Variants in CDC73 observed in about 807,000 individuals in gnomAD.
CDC73 encodes the protein cell division cycle 73.
CDC73 carries 21 observed loss-of-function variants against 83.7 expected under a neutral mutation model. The observed-to-expected ratio is 0.25, with a 90% confidence interval of 0.18 to 0.36. CDC73 has a LOEUF of 0.36. Among genes scored for constraint, CDC73 ranks in the 10% least tolerant of loss-of-function variants. CDC73 has a pLI of 1.00. For synonymous variants in CDC73, 224 were observed against 212.9 expected (o/e 1.05, Z -0.45); for missense variants, 342 against 653.3 (o/e 0.52, Z 5.19).
At chr1:193,169,997 A>G (rs1676493413) in intron 10 of CDC73, among the ~76,000 whole-genome samples, 1 of 151,790 alleles carries the variant, frequency 6.6e-6, no homozygotes, top group Non-Finnish European at 1.5e-5. Flanking sequence ...CCCTCTATGT[A>G]TCTGTGTATT....
intron 8 of CDC73, among the ~76,000 whole-genome samples, chr1:193,149,584 A>G (rs915721569): frequency 3.3e-5 from 5 of 152,198 alleles, no homozygotes; most frequent in Admixed American, 6.5e-5. Context: ...GCATTTGACT[A>G]TAGAAGTATA....
At chr1:193,228,123 A>T (rs777948365) in intron 13 of CDC73, among the ~76,000 whole-genome samples, 10 of 152,216 alleles carry the variant, frequency 6.6e-5, no homozygotes, top group Non-Finnish European at 1.0e-4. Flanking sequence ...TACTTTACTA[A>T]TTCCAATATA....
intron 13 of CDC73, among the ~76,000 whole-genome samples, chr1:193,212,840 C>T (rs1012972930): frequency 1.3e-5 from 2 of 151,832 alleles, no homozygotes; most frequent in South Asian, 4.2e-4. Context: ...AGTAAGTGGG[C>T]GGGTAGGTGG....
intron 6 of CDC73, among the ~76,000 whole-genome samples, chr1:193,139,446 T>C (rs1675863280): frequency 6.6e-6 from 1 of 152,218 alleles, no homozygotes; most frequent in Admixed American, 6.5e-5. Flanking sequence ...TTTGCATGTT[T>C]TGCTCTTTTT....
chr1:193,220,686 T>G (rs1017055414), intron 13 of CDC73, among the ~76,000 whole-genome samples: 4 of 152,210 alleles, frequency 2.6e-5, no homozygotes, highest in Admixed American at 6.5e-5. Flanking sequence ...TACTTTTGAA[T>G]GACAAAATAT....
chr1:193,131,795 ATGT>A (rs1230350532), intron 3 of CDC73, among the ~76,000 whole-genome samples: 1 of 152,174 alleles, frequency 6.6e-6, no homozygotes, highest in Non-Finnish European at 1.5e-5. Flanking sequence ...GTTTTTCCAA[ATGT>A]TGTTCCATCA....
At chr1:193,149,146 G>T (rs1676061289) in intron 8 of CDC73, among the ~76,000 whole-genome samples, 1 of 152,132 alleles carries the variant, frequency 6.6e-6, no homozygotes, top group Non-Finnish European at 1.5e-5. Context: ...ATGATCTTGA[G>T]ATACAATAGT....
chr1:193,178,008 A>G (rs1343966411), intron 10 of CDC73, among the ~76,000 whole-genome samples: 2 of 152,210 alleles, frequency 1.3e-5, no homozygotes, highest in Non-Finnish European at 1.5e-5. Flanking sequence ...CAAAGCTGTC[A>G]TTTAAAATTA....
chr1:193,171,595 C>T lies in CDC73; in HGVS notation c.972+19151C>T, dbSNP rs369586455. On this transcript the variant is annotated intron_variant, in intron 10 of 16. Coordinates refer to ENST00000367435, the MANE Select transcript of CDC73 (RefSeq NM_024529.5). The stretch of plus-strand genomic sequence containing the variant: ...GAAAGTCAGCATTGGTGGATACAGT[C>T]CCTCTCATGCTTTGACTCTCCCTTG... Among the ~76,000 whole-genome samples, 28 of 152,260 alleles carry T rather than the reference C, an allele frequency of 1.8e-4. No homozygotes were observed. The South Asian group carries it at 5.6e-3, about 30-fold the overall frequency.
intron 10 of CDC73, among the ~76,000 whole-genome samples, chr1:193,191,686 C>T (rs1222515171): frequency 1.3e-5 from 2 of 152,114 alleles, no homozygotes; most frequent in East Asian, 3.9e-4. Flanking sequence ...CACACCTGGC[C>T]TCTATCATTA....
chr1:193,181,785 C>T (rs1676721766), intron 10 of CDC73: 1 of 423,472 alleles, frequency 2.4e-6, no homozygotes, highest in Non-Finnish European at 4.1e-6. Flanking sequence ...GAAAATATAA[C>T]CCAGGAACGA....
At chr1:193,150,653 G>T (rs1197521068) in intron 9 of CDC73, among the ~76,000 whole-genome samples, 1 of 152,086 alleles carries the variant, frequency 6.6e-6, no homozygotes, top group East Asian at 1.9e-4. Flanking sequence ...ATATTATCTG[G>T]CCCTTTACAG....
intron 10 of CDC73, among the ~76,000 whole-genome samples, chr1:193,195,787 T>C (rs907831234): frequency 6.6e-6 from 1 of 152,220 alleles, no homozygotes; most frequent in African/African-American, 2.4e-5. Flanking sequence ...CATGCACTTA[T>C]TAGCCATCTG....
intron 10 of CDC73, among the ~76,000 whole-genome samples, chr1:193,171,084 A>G (rs555319691): frequency 1.3e-5 from 2 of 152,222 alleles, no homozygotes; most frequent in Non-Finnish European, 2.9e-5. Flanking sequence ...AAATTGCTTT[A>G]GGAACTATTG....
chr1:193,135,289 C>A, intron 3 of CDC73, 102 bp from the exon 4 acceptor site: 2 of 929,528 alleles, frequency 2.2e-6, no homozygotes, highest in Admixed American at 4.0e-5. Context: ...GAGAAAATCA[C>A]CATATAGAAG....
intron 15 of CDC73, among the ~76,000 whole-genome samples, chr1:193,237,734 C>T (rs902037766): frequency 3.3e-5 from 5 of 152,156 alleles, no homozygotes; most frequent in African/African-American, 1.2e-4. Flanking sequence ...GCTGCGGCTG[C>T]TGTGACTCTT....
In CDC73 at chr1:193,147,960, C is replaced by T. The variant is rs758391256; in HGVS notation, c.823C>T (p.Pro275Ser). ...PEQRPAPNAA[P>S]VDPTLRTKQP... ...ACAGCGACCTGCCCCAAATGCAGCA[C>T]CTGTGGTAAGAATGCTTTACTGCTT... Residue 275 changes from proline (P) to serine (S), a missense_variant, in exon 8 of 17, where the codon CCT (proline) becomes TCT (serine). Coordinates refer to ENST00000367435, the MANE Select transcript of CDC73 (RefSeq NM_024529.5). 23 of 1,606,892 alleles carry T rather than the reference C, an allele frequency of 1.4e-5. No homozygotes were observed. The highest frequency in any genetic ancestry group is 1.6e-5 in the Non-Finnish European group (19 of 1,173,534).
At chr1:193,161,648 TATATA>T (rs1470599476) in intron 10 of CDC73, among the ~76,000 whole-genome samples, 1 of 77,880 alleles carries the variant, frequency 1.3e-5, no homozygotes, top group East Asian at 2.8e-4. Flanking sequence ...TATTATATAA[TATATA>T]ATATATTATA....
At chr1:193,142,871 AAG>A (rs1444510480) in intron 7 of CDC73, among the ~76,000 whole-genome samples, 1 of 152,192 alleles carries the variant, frequency 6.6e-6, no homozygotes, top group African/African-American at 2.4e-5. Context: ...GATCTCCAAA[AAG>A]AGGATGCATT....
Sources: gnomAD v4.1 joint callset for allele counts (sites outside exome capture counted in the v4.1 genomes callset) on GRCh38, gnomAD v4.1.1 for gene constraint, MANE v1.5 for transcripts, NCBI Gene and HGNC (gene_info 2026-07-23, HGNC 2026-07-21) for gene names.